The following GARNL3 variants were observed in gnomAD, a reference collection of about 807,000 sequenced individuals.
GARNL3 encodes the protein GTPase-activating Rap/Ran-GAP domain-like protein 3.
GARNL3 carries 63 observed loss-of-function variants against 125.0 expected under a neutral mutation model. That is an observed-to-expected ratio of 0.50 (90% CI 0.41 to 0.62). The LOEUF is 0.62. Among genes scored for constraint, GARNL3 ranks in the 20% least tolerant of loss-of-function variants. The pLI is 0.00. For synonymous variants in GARNL3, 439 were observed against 457.5 expected (o/e 0.96, Z 0.52); for missense variants, 994 against 1,244.0 (o/e 0.80, Z 3.02).
At position 127,289,585 on chromosome 9, in the gene GARNL3, A is replaced by G. The variant is rs151242668; in HGVS notation, c.145-1583A>G. On this transcript the variant is annotated intron_variant, in intron 1 of 27. Transcript: ENST00000373387. ...AGAGTTTTTAGCAGGGCTTGATCCC[A>G]TAGATGTGGTTGACCACCCACGTGG... 1.4e-4 allele frequency among the ~76,000 whole-genome samples: 21 copies of G among 152,362 alleles called. No homozygotes were observed. In the South Asian group the frequency reaches 2.9e-3, roughly 21 times the overall value.
Position 127,318,129 on chromosome 9 carries a change from T to C in GARNL3, c.503+2T>C. 2 of 1,567,504 alleles carry C rather than the reference T, an allele frequency of 1.3e-6. No homozygotes were observed. The highest frequency in any genetic ancestry group is 1.8e-6 in the Non-Finnish European group (2 of 1,137,536). ...TCTTTCTGTGAAGTCCATCTTAAGG[T>C]GAGTTCTAATGGGTAGAAACCCCAC... On this transcript the variant is annotated splice_donor_variant, in intron 5 of 27. Transcript: ENST00000373387. LOFTEE classifies it high-confidence loss of function.
At chr9:127,333,984 T>A (rs1318510782) in intron 9 of GARNL3, among the ~76,000 whole-genome samples, 2 of 152,096 alleles carry the variant, frequency 1.3e-5, no homozygotes, top group Non-Finnish European at 2.9e-5. Flanking sequence ...CAGGGTTGCC[T>A]TGGGAGAGGG....
At chr9:127,262,330 G>A (rs1298131809), upstream of GARNL3, among the ~76,000 whole-genome samples, 3 of 152,150 alleles carry the variant, frequency 2.0e-5, no homozygotes, top group East Asian at 5.8e-4. Flanking sequence ...GTTCTTCATG[G>A]TGTGGCCTTC....
intron 1 of GARNL3, among the ~76,000 whole-genome samples, chr9:127,277,297 T>C (rs1311454142): frequency 1.3e-5 from 2 of 151,884 alleles, no homozygotes; most frequent in Non-Finnish European, 2.9e-5. Flanking sequence ...AGTCCTTCTT[T>C]TGTGTGACAT....
intron 1 of GARNL3, among the ~76,000 whole-genome samples, chr9:127,268,888 T>G (rs1200107544): frequency 6.6e-6 from 1 of 152,228 alleles, no homozygotes; most frequent in African/African-American, 2.4e-5. Flanking sequence ...TTAGCATGTT[T>G]TCAGGGTTCA....
intron 2 of GARNL3, among the ~76,000 whole-genome samples, chr9:127,256,007 A>T (rs2063489112): frequency 6.6e-6 from 1 of 152,246 alleles, no homozygotes; most frequent in Admixed American, 6.5e-5. Flanking sequence ...TAGACTTTCA[A>T]GGGATTTCCC....
At chr9:127,296,418 C>T (rs934442352) in intron 2 of GARNL3, among the ~76,000 whole-genome samples, 1 of 151,702 alleles carries the variant, frequency 6.6e-6, no homozygotes, top group African/African-American at 2.4e-5. Context: ...CTCCCTAAGC[C>T]CCATGATTTA....
At chr9:127,247,321 G>A (rs1337752169) in intron 2 of GARNL3, among the ~76,000 whole-genome samples, 2 of 152,148 alleles carry the variant, frequency 1.3e-5, no homozygotes, top group East Asian at 3.8e-4. Flanking sequence ...ACTCAAATTA[G>A]CTTAGGCCAA....
At position 127,344,249 on chromosome 9, in the gene GARNL3, A is replaced by G. The variant is rs1240858274; in HGVS notation, c.1266A>G (p.Arg422=). The G allele has an allele frequency of 1.9e-6, 3 of 1,609,942 alleles. No homozygotes were observed. The highest frequency in any genetic ancestry group is 2.5e-6 in the Non-Finnish European group (3 of 1,178,298). ...MPDLHKNMLN[R]RSFSDVLPES... Reference sequence around the variant, plus strand: ...TTCTTTTTTAGAACATGCTTAATAGACGATCTTTTAGTGATGTCTTACCAG... The same window carrying G: ...TTCTTTTTTAGAACATGCTTAATAGGCGATCTTTTAGTGATGTCTTACCAG... The change falls in exon 15 of 28, where the codon AGA becomes AGG. Residue 422 remains arginine (R), a synonymous_variant. Transcript: ENST00000373387.
At chr9:127,335,103 G>A in intron 9 of GARNL3, 127 bp from the exon 10 acceptor site, 1 of 668,820 alleles carries the variant, frequency 1.5e-6, no homozygotes, top group Non-Finnish European at 2.6e-6. Flanking sequence ...TTGCTTCCAT[G>A]CAGGTGGATA....
At chr9:127,318,228 C>A (rs1487168818) in intron 5 of GARNL3, 101 bp downstream of exon 5, 2 of 804,840 alleles carry the variant, frequency 2.5e-6, no homozygotes, top group South Asian at 1.4e-5. Context: ...TTGTCTTGAG[C>A]CTTGACTGTG....
rs529745625 is a variant in GARNL3 at position 127,270,349 on chromosome 9, T to C, written c.144+5328T>C. ...ATACAATGTCTTTTCCTTCTTAAAATGTTTCTTCAGCTGTTCATTGTACTT... is the reference window on the plus strand; with the variant it reads ...ATACAATGTCTTTTCCTTCTTAAAACGTTTCTTCAGCTGTTCATTGTACTT... On this transcript the variant is annotated intron_variant, in intron 1 of 27. Transcript: ENST00000373387. 2.6e-5 allele frequency among the ~76,000 whole-genome samples: 4 copies of C among 152,370 alleles called. No individual in the cohort carries two copies. The South Asian group carries it at 8.3e-4, about 32-fold the overall frequency.
upstream of GARNL3, chr9:127,264,111 C>A: frequency 1.4e-6 from 1 of 704,518 alleles, no homozygotes; most frequent in South Asian, 2.2e-5. Flanking sequence ...ATTTGCATGA[C>A]ATATTAGAAT....
chr9:127,333,073 A>G lies in GARNL3; in HGVS notation c.721A>G (p.Ile241Val), dbSNP rs1288768699. The G allele has an allele frequency of 6.2e-7, 1 of 1,614,130 alleles. No homozygotes were observed. Among genetic ancestry groups the G allele is most frequent in the East Asian group, 2.2e-5 (1 of 44,892 alleles). ...ATTTTTAAATCTTCTGGGTGACACA[A>G]TCACTCTAAAGGGCTGGACGGGCTA... ...QKFLNLLGDT[I>V]TLKGWTGYRG... Residue 241 changes from isoleucine (I) to valine (V), a missense_variant, in exon 9 of 28, where the codon ATC (isoleucine) becomes GTC (valine). Ile to Val is a conservative substitution (Grantham distance 29, BLOSUM62 3). Around this residue, in one of 5 missense-constraint regions of GARNL3, gnomAD observed 71 missense variants for 66.2 expected, o/e 1.07. Transcript: ENST00000373387.
chr9:127,335,104 C>G, intron 9 of GARNL3, 126 bp from the exon 10 acceptor site: 1 of 673,408 alleles, frequency 1.5e-6, no homozygotes. Flanking sequence ...TGCTTCCATG[C>G]AGGTGGATAA....
chr9:127,380,198 A>ATGTGTGTG (rs1458335111), intron 22 of GARNL3, among the ~76,000 whole-genome samples: 30 of 69,232 alleles, frequency 4.3e-4, no homozygotes, highest in African/African-American at 1.1e-3. Flanking sequence ...GTCTCAAAAA[A>ATGTGTGTG]TATGTGTGTG....
At chr9:127,303,621 G>A (rs1052606558) in intron 2 of GARNL3, among the ~76,000 whole-genome samples, 13 of 152,240 alleles carry the variant, frequency 8.5e-5, no homozygotes, top group Non-Finnish European at 1.6e-4. Flanking sequence ...TAAAATCAGC[G>A]TAACTGCATT....
chr9:127,237,580 A>G (rs2063135108), intron 1 of GARNL3, among the ~76,000 whole-genome samples: 1 of 152,242 alleles, frequency 6.6e-6, no homozygotes, highest in African/African-American at 2.4e-5. Context: ...TTCTCCAATC[A>G]TAACAAAAAT....
intron 1 of GARNL3, among the ~76,000 whole-genome samples, chr9:127,241,769 GTT>G (rs2063209031): frequency 6.7e-6 from 1 of 149,346 alleles, no homozygotes; most frequent in Non-Finnish European, 1.5e-5. Flanking sequence ...TTGTTTGTTT[GTT>G]TTGTTTTGTT....
Sources: gnomAD v4.1 joint callset for allele counts (sites outside exome capture counted in the v4.1 genomes callset) on GRCh38, gnomAD v4.1.1 for gene constraint, gnomAD v4.1.1 regional missense constraint, MANE v1.5 for transcripts, NCBI Gene and HGNC (gene_info 2026-07-23, HGNC 2026-07-21) for gene names.